The following CPD variants were observed in gnomAD, a reference collection of about 807,000 sequenced individuals.
CPD encodes the protein metallocarboxypeptidase D.
CPD carries 69 observed loss-of-function variants against 138.3 expected under a neutral mutation model. The ratio of observed to expected loss-of-function variants is 0.50; its 90% CI spans 0.41 to 0.61. The LOEUF (loss-of-function observed/expected upper bound fraction) is 0.61. Ranked by LOEUF, CPD falls within the 20% of genes least tolerant of loss-of-function variation. CPD has a pLI of 0.00. For synonymous variants in CPD, 651 were observed against 642.1 expected, an observed-to-expected ratio of 1.01 and a Z score of -0.21; for missense variants, 1,432 against 1,733.3, an observed-to-expected ratio of 0.83 and a Z score of 3.09.
At chr17:30,418,085 A>C (rs982098277) in intron 2 of CPD, among the ~76,000 whole-genome samples, 1 of 152,208 alleles carries the variant, frequency 6.6e-6, no homozygotes, top group Non-Finnish European at 1.5e-5. Flanking sequence ...GATATAACTA[A>C]AAAACTGCCT....
intron 2 of CPD, among the ~76,000 whole-genome samples, chr17:30,404,206 A>G (rs1408500160): frequency 1.3e-5 from 2 of 152,150 alleles, no homozygotes; most frequent in Non-Finnish European, 2.9e-5. Flanking sequence ...TTTATAGCAT[A>G]TAAGTTATTA....
In CPD at chr17:30,466,887, A is replaced by G. The variant is rs1913656397; in HGVS notation, c.*2073A>G. 1 of 152,346 alleles carries G rather than the reference A, an allele frequency of 6.6e-6. No homozygotes were observed. 9.4% of individuals were successfully genotyped at this position (152,346 alleles called of 1,614,324 possible). ...AATTTTTAAAGAAATGAACATACAC[A>G]TAGTTATTTTAGTAATATTTCCTGA... On this transcript the variant is annotated 3_prime_UTR_variant, in exon 21 of 21. Coordinates refer to ENST00000225719, the MANE Select transcript of CPD (RefSeq NM_001304.5).
At chr17:30,437,123 G>A (rs1190415349) in intron 8 of CPD, among the ~76,000 whole-genome samples, 1 of 151,652 alleles carries the variant, frequency 6.6e-6, no homozygotes, top group Non-Finnish European at 1.5e-5. Context: ...TGGAGTGGGG[G>A]TGGGGAGTAG....
chr17:30,456,378 T>C (rs1423122639), intron 16 of CPD, 27 bp downstream of exon 16: 1 of 1,611,416 alleles, frequency 6.2e-7, no homozygotes, highest in Admixed American at 1.7e-5. Context: ...CCTTTTGTTA[T>C]TGCTGTTGTT....
rs766798206 is a variant in CPD, at chr17:30,456,512, C to T, written c.3484C>T (p.Leu1162=). 14 of 1,614,024 alleles carry T rather than the reference C, an allele frequency of 8.7e-6. No homozygotes were observed. Among genetic ancestry groups the T allele is most frequent in the Admixed American group, 3.3e-5 (2 of 60,012 alleles). ...VMRGAEWHSH[L]GSMKDYSVTY... is the part of the protein sequence containing the mutation. The stretch of plus-strand genomic sequence containing the variant: ...GCGTGGAGCAGAATGGCATAGTCAC[C>T]TGGGCAGCATGAAGGTATGCTTTCT... Residue 1162 remains leucine (L), a synonymous_variant, in exon 17 of 21, where the codon CTG becomes TTG. Coordinates refer to ENST00000225719, the MANE Select transcript of CPD (RefSeq NM_001304.5).
intron 2 of CPD, among the ~76,000 whole-genome samples, 153 bp from the exon 3 acceptor site, chr17:30,420,688 A>G (rs1912241466): frequency 1.3e-5 from 2 of 152,132 alleles, no homozygotes; most frequent in Non-Finnish European, 1.5e-5. Flanking sequence ...CTTAGCCTCC[A>G]CTATAGTTCA....
At chr17:30,389,095 C>A (rs996707284) in intron 2 of CPD, among the ~76,000 whole-genome samples, 6 of 152,222 alleles carry the variant, frequency 3.9e-5, no homozygotes, top group Admixed American at 6.5e-5. Flanking sequence ...ACATTACTCC[C>A]CCGCTGTGCT....
chr17:30,415,471 AT>A (rs907858960), intron 2 of CPD, among the ~76,000 whole-genome samples: 2 of 152,134 alleles, frequency 1.3e-5, no homozygotes, highest in African/African-American at 4.8e-5. Context: ...GGAAAAAAAT[AT>A]TTTTTTCTTA....
At position 30,446,710 on chromosome 17, in the gene CPD, C is replaced by A. The variant is rs1377188160; in HGVS notation, c.2873+690C>A. ...ATACCCAGTAATGGGATGGCTGGGT[C>A]AAATGGTATTTCCAGTTCTAGATCC... On this transcript the variant is annotated intron_variant, in intron 12 of 20. Transcript: ENST00000225719. Among the ~76,000 whole-genome samples, 9 of 152,274 alleles carry A rather than the reference C, an allele frequency of 5.9e-5. No individual in the cohort carries two copies. The East Asian group carries it at 1.7e-3, about 29-fold the overall frequency.
chr17:30,456,735 G>A (rs1913309808), intron 17 of CPD: 4 of 456,130 alleles, frequency 8.8e-6, no homozygotes, highest in Admixed American at 6.8e-5. Context: ...CCAGCTACTT[G>A]GGAGGCTGAG....
intron 2 of CPD, among the ~76,000 whole-genome samples, chr17:30,407,702 G>T (rs190825972): frequency 3.0e-4 from 45 of 152,160 alleles, no homozygotes; most frequent in African/African-American, 1.1e-3. Context: ...GTTCTTTATA[G>T]ATTCTGGATA....
intron 2 of CPD, among the ~76,000 whole-genome samples, chr17:30,392,990 C>G (rs964824902): frequency 1.3e-5 from 2 of 152,148 alleles, no homozygotes; most frequent in African/African-American, 4.8e-5. Context: ...CTTCTTAAGC[C>G]ACTATAAACT....
chr17:30,412,772 G>A (rs573133095), intron 2 of CPD, among the ~76,000 whole-genome samples: 14 of 152,108 alleles, frequency 9.2e-5, no homozygotes, highest in Non-Finnish European at 2.1e-4. Context: ...TGTTTTTCCA[G>A]GTACAGTCTG....
At chr17:30,459,716 G>T (rs996271089) in intron 17 of CPD, among the ~76,000 whole-genome samples, 16 of 152,234 alleles carry the variant, frequency 1.1e-4, no homozygotes, top group African/African-American at 3.4e-4. Flanking sequence ...TAGATGTTGT[G>T]TTAAAACCGT....
At chr17:30,446,993 A>G (rs1269822397) in intron 12 of CPD, among the ~76,000 whole-genome samples, 2 of 152,122 alleles carry the variant, frequency 1.3e-5, no homozygotes, top group Non-Finnish European at 2.9e-5. Context: ...GTGTCTGTTC[A>G]TATCCTTCAC....
At chr17:30,457,394 G>A (rs1913328808) in intron 17 of CPD, among the ~76,000 whole-genome samples, 2 of 152,136 alleles carry the variant, frequency 1.3e-5, no homozygotes, top group African/African-American at 4.8e-5. Context: ...CTTTTTGGCT[G>A]TTGCAAATGA....
chr17:30,414,222 G>A (rs868456506), intron 2 of CPD, among the ~76,000 whole-genome samples: 5 of 152,266 alleles, frequency 3.3e-5, no homozygotes, highest in Middle Eastern at 3.4e-3. Context: ...AATTACTCTG[G>A]CATCTCTGTT....
At chr17:30,453,699 A>G (rs1913222096) in intron 14 of CPD, among the ~76,000 whole-genome samples, 4 of 152,196 alleles carry the variant, frequency 2.6e-5, no homozygotes. Flanking sequence ...TCCCTTCTGC[A>G]CTGCCCTAGC....
chr17:30,416,293 T>C (rs1259614010), intron 2 of CPD, among the ~76,000 whole-genome samples: 1 of 151,994 alleles, frequency 6.6e-6, no homozygotes, highest in Non-Finnish European at 1.5e-5. Context: ...GATTGAGCCA[T>C]TGCACTCCAG....
Sources: allele counts gnomAD v4.1 joint callset (sites outside exome capture counted in the v4.1 genomes callset), GRCh38; gene constraint gnomAD v4.1.1; transcripts MANE v1.5; gene names NCBI Gene and HGNC (gene_info 2026-07-23, HGNC 2026-07-21).